Variants in ADAMTS14 observed in about 807,000 individuals in gnomAD.
The protein encoded by ADAMTS14 is ADAM metallopeptidase with thrombospondin type 1 motif 14.
In ADAMTS14, 100 loss-of-function variants were observed where a neutral mutation model predicts 128.6. The ratio of observed to expected loss-of-function variants is 0.78; its 90% CI spans 0.66 to 0.92. The LOEUF (loss-of-function observed/expected upper bound fraction) is 0.92, where lower values mean the gene tolerates loss of function less well. ADAMTS14 is among the 40% of genes least tolerant of loss of function. The pLI is 0.00. For missense variants in ADAMTS14, 1,562 were observed against 1,658.6 expected, an observed-to-expected ratio of 0.94 and a Z score of 1.01; for synonymous variants, 665 against 653.8, an observed-to-expected ratio of 1.02 and a Z score of -0.26.
chr10:70,681,728 TG>T (rs1335053715), intron 2 of ADAMTS14, among the ~76,000 whole-genome samples: 1 of 152,050 alleles, frequency 6.6e-6, no homozygotes, highest in Admixed American at 6.6e-5. Context: ...GCTTTGGAGG[TG>T]TGGAGTGTGG....
intron 3 of ADAMTS14, 143 bp from the exon 4 acceptor site, chr10:70,708,445 A>G (rs1840731307): frequency 8.7e-6 from 6 of 686,172 alleles, no homozygotes; most frequent in Non-Finnish European, 4.7e-6. Context: ...TTGACCTAGT[A>G]TGGAGCAATC....
intron 2 of ADAMTS14, among the ~76,000 whole-genome samples, chr10:70,696,177 A>T (rs1011732107): frequency 6.6e-6 from 1 of 152,124 alleles, no homozygotes; most frequent in African/African-American, 2.4e-5. Context: ...GGAGAGTGTG[A>T]TGAAGCTGGA....
chr10:70,735,084 C>A (rs528880405), intron 8 of ADAMTS14, 85 bp from the exon 9 acceptor site: 3 of 1,519,092 alleles, frequency 2.0e-6, no homozygotes, highest in Non-Finnish European at 2.7e-6. Flanking sequence ...GCAGGCCTTG[C>A]TCATGAAAAC....
intron 1 of ADAMTS14, among the ~76,000 whole-genome samples, chr10:70,673,605 C>T (rs979033878): frequency 2.6e-5 from 4 of 152,174 alleles, no homozygotes; most frequent in African/African-American, 9.7e-5. Flanking sequence ...TAGGGGTCCT[C>T]TGCTATAATG....
At position 70,751,501 on chromosome 10, in the gene ADAMTS14, C is replaced by T. The variant is rs772477424; in HGVS notation, c.2451C>T (p.Gly817=). 1.2e-6 allele frequency: 2 copies of T among 1,609,358 alleles called. No individual in the cohort carries two copies. Among genetic ancestry groups the T allele is most frequent in the East Asian group, 2.2e-5 (1 of 44,726 alleles). ...AILALPPTEG[G]PRSSLAYKYV... ...AGGCTCTCCCCCCAACTGAGGGTGG[C>T]CCCCGCAGCAGCCTGGCCTACAAGT... The change falls in exon 17 of 22, where the codon GGC becomes GGT. Residue 817 remains glycine (G), a synonymous_variant. Transcript: ENST00000373207.
Position 70,741,168 on chromosome 10 carries a change from T to C in ADAMTS14, c.1924+6T>C. Reference sequence around the variant, plus strand: ...GCCCTACGAGCCTGACGATGGTGAGTGGGCCCCACCCCCCTCCCACTCCAT... The same window carrying C: ...GCCCTACGAGCCTGACGATGGTGAGCGGGCCCCACCCCCCTCCCACTCCAT... On this transcript the variant is annotated splice_donor_region_variant and intron_variant, in intron 12 of 21. Transcript: ENST00000373207. The C allele has an allele frequency of 6.2e-7, 1 of 1,611,192 alleles. No individual in the cohort carries two copies. Among genetic ancestry groups the C allele is most frequent in the East Asian group, 2.2e-5 (1 of 44,808 alleles).
intron 2 of ADAMTS14, among the ~76,000 whole-genome samples, chr10:70,675,838 C>T (rs1361022083): frequency 6.6e-6 from 1 of 152,222 alleles, no homozygotes; most frequent in African/African-American, 2.4e-5. Flanking sequence ...GGCAGCTCTT[C>T]CCTGCCCCAG....
intron 4 of ADAMTS14, among the ~76,000 whole-genome samples, chr10:70,713,622 G>C (rs1406469814): frequency 6.6e-6 from 1 of 152,236 alleles, no homozygotes; most frequent in African/African-American, 2.4e-5. Flanking sequence ...AAATGCCAAA[G>C]GTCTCTTTCT....
chr10:70,676,476 G>A (rs1320341937), intron 2 of ADAMTS14, among the ~76,000 whole-genome samples: 1 of 152,224 alleles, frequency 6.6e-6, no homozygotes, highest in Non-Finnish European at 1.5e-5. Flanking sequence ...CATGGTAGTT[G>A]GTTCTCATAG....
intron 1 of ADAMTS14, among the ~76,000 whole-genome samples, chr10:70,673,138 C>A (rs1839532286): frequency 6.6e-6 from 1 of 152,166 alleles, no homozygotes; most frequent in Non-Finnish European, 1.5e-5. Flanking sequence ...TCGGGAGCAG[C>A]GCATCTGTCT....
At chr10:70,706,103 C>T (rs1192509723) in intron 3 of ADAMTS14, among the ~76,000 whole-genome samples, 1 of 152,166 alleles carries the variant, frequency 6.6e-6, no homozygotes, top group Non-Finnish European at 1.5e-5. Context: ...GGGTTGTCTG[C>T]TCCTGTCATC....
chr10:70,704,936 A>T (rs1840613750), intron 3 of ADAMTS14, among the ~76,000 whole-genome samples: 1 of 151,846 alleles, frequency 6.6e-6, no homozygotes, highest in South Asian at 2.1e-4. Flanking sequence ...GCATACACAC[A>T]TACAGACCCC....
chr10:70,758,083 C>T lies in ADAMTS14; in HGVS notation c.3059C>T (p.Ala1020Val), dbSNP rs746087937. ...PDTVQVCSLP[A>V]CGGNHQNSTV... The stretch of plus-strand genomic sequence containing the variant: ...ACTGTCCAGGTCTGCAGCCTGCCCG[C>T]CTGTGGAGGTGAGCCAGAGGGGATG... The change falls in exon 20 of 22, where the codon GCC becomes GTC. Residue 1020 changes from alanine (A) to valine (V), a missense_variant. Physicochemically the swap from Ala to Val is moderately conservative, Grantham distance 64 (BLOSUM62 0). Transcript: ENST00000373207. 7 of 1,612,220 alleles carry T rather than the reference C, an allele frequency of 4.3e-6. No homozygotes were observed. The highest frequency in any genetic ancestry group is 5.1e-6 in the Non-Finnish European group (6 of 1,179,032).
Position 70,685,886 on chromosome 10 carries a change from G to T in ADAMTS14, c.522+10891G>T, listed in dbSNP as rs74141825. 7.5e-3 allele frequency among the ~76,000 whole-genome samples: 1,143 copies of T among 152,252 alleles called. 10 individuals carry two copies. The highest frequency in any genetic ancestry group is 0.024 in the African/African-American group (999 of 41,522). ...TGAGGCTCCCACTATGAGGGGGAGG[G>T]CTGCTTAACTTCTGCGTGTCATTGT... is the stretch of plus-strand genomic sequence containing the variant. On this transcript the variant is annotated intron_variant, in intron 2 of 21. Transcript: ENST00000373207.
chr10:70,745,511 A>G, intron 15 of ADAMTS14: 1 of 633,446 alleles, frequency 1.6e-6, no homozygotes, highest in South Asian at 1.7e-5. Flanking sequence ...GAAGGTCTCA[A>G]AGGGGACCTA....
chr10:70,749,681 C>A (rs921827971), intron 15 of ADAMTS14, 141 bp from the exon 16 acceptor site: 18 of 978,672 alleles, frequency 1.8e-5, no homozygotes, highest in Non-Finnish European at 2.5e-5. Flanking sequence ...CTGTCTGACT[C>A]GGGAGGGCTT....
chr10:70,680,646 C>T (rs1839776050), intron 2 of ADAMTS14, among the ~76,000 whole-genome samples: 2 of 152,094 alleles, frequency 1.3e-5, no homozygotes, highest in African/African-American at 4.8e-5. Context: ...TGGGGTTGTT[C>T]AGAGGATTAA....
Position 70,699,547 on chromosome 10 carries a change from T to G in ADAMTS14, c.523-2765T>G, listed in dbSNP as rs1159828484. Among the ~76,000 whole-genome samples the G allele has an allele frequency of 2.0e-5, 3 of 152,070 alleles. No individual in the cohort carries two copies. In the South Asian group the frequency reaches 6.2e-4, roughly 31 times the overall value. On this transcript the variant is annotated intron_variant, in intron 2 of 21. Transcript: ENST00000373207. Reference sequence around the variant, plus strand: ...AACTGGGGAGGTTGTCAAAGTATAATGCCTCAGACTGGGACGAGCACGATG... The same window carrying G: ...AACTGGGGAGGTTGTCAAAGTATAAGGCCTCAGACTGGGACGAGCACGATG...
chr10:70,684,262 A>C (rs1310613701), intron 2 of ADAMTS14, among the ~76,000 whole-genome samples: 1 of 152,112 alleles, frequency 6.6e-6, no homozygotes, highest in Non-Finnish European at 1.5e-5. Context: ...TCTGTGATTC[A>C]ATCACCTCCT....
Sources: gnomAD v4.1 joint callset for allele counts (sites outside exome capture counted in the v4.1 genomes callset) on GRCh38, gnomAD v4.1.1 for gene constraint, MANE v1.5 for transcripts, NCBI Gene and HGNC (gene_info 2026-07-23, HGNC 2026-07-21) for gene names.